The following ARHGAP32 variants were observed in gnomAD, a reference collection of about 807,000 sequenced individuals.
ARHGAP32 encodes the protein rho GTPase-activating protein 32.
Under a neutral mutation model 186.5 loss-of-function variants are expected in ARHGAP32, and 51 were observed. The ratio of observed to expected loss-of-function variants is 0.27; its 90% confidence interval spans 0.22 to 0.35. ARHGAP32 has a LOEUF of 0.35. ARHGAP32 is among the 10% of genes least tolerant of loss of function. ARHGAP32 has a pLI of 1.00. For missense variants in ARHGAP32, 2,186 were observed against 2,623.5 expected (o/e 0.83, Z 3.64); for synonymous variants, 950 against 964.3 (o/e 0.99, Z 0.27).
intron 11 of ARHGAP32, among the ~76,000 whole-genome samples, chr11:129,024,932 T>C (rs940101809): frequency 2.6e-5 from 4 of 152,228 alleles, no homozygotes; most frequent in African/African-American, 9.6e-5. Flanking sequence ...TCAATACTTC[T>C]ACTAAATAAT....
chr11:129,079,999 A>C (rs571154310), intron 6 of ARHGAP32, among the ~76,000 whole-genome samples: 1 of 152,356 alleles, frequency 6.6e-6, no homozygotes, highest in African/African-American at 2.4e-5. Context: ...CAGTTTAAAA[A>C]GACAAAGAGC....
Position 128,972,575 on chromosome 11 carries a change from G to A in ARHGAP32, c.3931C>T (p.Gln1311Ter). Residue 1311 changes from glutamine to a stop codon, truncating the protein, a stop_gained, in exon 22 of 23, where the codon CAG (glutamine) becomes TAG (stop). Coordinates refer to ENST00000682385, the MANE Select transcript of ARHGAP32 (RefSeq NM_001378024.1). LOFTEE classifies it high-confidence loss of function. Reference protein sequence around the residue: ...TTADFAAATLQRTHRTNRPLP... With the variant: ...TTADFAAATL ...GGACGATTAGTTCTGTGCGTGCGCT[G>A]AAGTGTGGCAGCAGCAAAATCAGCA... 6.2e-7 allele frequency: 1 copy of A among 1,600,680 alleles called. No homozygotes were observed. The highest frequency in any genetic ancestry group is 8.5e-7 in the Non-Finnish European group (1 of 1,172,388).
chr11:129,082,497 G>T (rs746618508), intron 6 of ARHGAP32, among the ~76,000 whole-genome samples: 14 of 152,094 alleles, frequency 9.2e-5, no homozygotes, highest in Non-Finnish European at 1.9e-4. Context: ...ATACAGTGGG[G>T]AAAGGACACC....
intron 12 of ARHGAP32, among the ~76,000 whole-genome samples, chr11:128,990,645 G>A (rs564644050): frequency 1.3e-5 from 2 of 152,278 alleles, no homozygotes; most frequent in South Asian, 4.1e-4. Context: ...ATTGATATTA[G>A]AAGCAACCTC....
intron 5 of ARHGAP32, 34 bp from the exon 6 acceptor site, chr11:129,093,741 A>C: frequency 6.9e-7 from 1 of 1,448,374 alleles, no homozygotes; most frequent in South Asian, 1.2e-5. Context: ...AGGGGGAAAG[A>C]AAGTCATGAT....
intron 6 of ARHGAP32, among the ~76,000 whole-genome samples, chr11:129,092,329 C>T (rs1941603386): frequency 1.3e-5 from 2 of 151,582 alleles, no homozygotes; most frequent in Admixed American, 1.3e-4. Context: ...AAAAGAGATG[C>T]TAAAATGTCT....
chr11:129,229,920 G>A (rs1944835699), intron 1 of ARHGAP32, among the ~76,000 whole-genome samples: 1 of 151,924 alleles, frequency 6.6e-6, no homozygotes, highest in African/African-American at 2.4e-5. Flanking sequence ...CGACTCAAGT[G>A]ATCTGCCCAC....
chr11:129,005,250 T>C (rs904549989), intron 11 of ARHGAP32, among the ~76,000 whole-genome samples: 2 of 152,172 alleles, frequency 1.3e-5, no homozygotes, highest in Admixed American at 1.3e-4. Context: ...TTATTATTTT[T>C]TATTGGTTTA....
At chr11:129,152,145 T>C (rs1230975110) in intron 2 of ARHGAP32, among the ~76,000 whole-genome samples, 2 of 152,162 alleles carry the variant, frequency 1.3e-5, no homozygotes, top group Non-Finnish European at 2.9e-5. Flanking sequence ...CCTGGAAATA[T>C]ACAACCCTCC....
intron 6 of ARHGAP32, among the ~76,000 whole-genome samples, chr11:129,081,661 A>T (rs796384793): frequency 3.3e-5 from 5 of 152,204 alleles, no homozygotes; most frequent in African/African-American, 1.2e-4. Flanking sequence ...AACAGGTAAA[A>T]GTTGAAAGTA....
chr11:129,236,590 C>T (rs1944938806), intron 1 of ARHGAP32, among the ~76,000 whole-genome samples: 1 of 152,176 alleles, frequency 6.6e-6, no homozygotes, highest in African/African-American at 2.4e-5. Context: ...GGTTCTCAGT[C>T]ATGATGTCTT....
intron 6 of ARHGAP32, among the ~76,000 whole-genome samples, chr11:129,072,790 A>G (rs114824962): frequency 0.012 from 1,902 of 152,328 alleles, 35 homozygotes; most frequent in South Asian, 0.044. Context: ...AATATCTGAA[A>G]AAAATCTCCT....
intron 5 of ARHGAP32, among the ~76,000 whole-genome samples, chr11:129,118,054 AAACAT>A (rs1223608173): frequency 6.6e-6 from 1 of 152,062 alleles, no homozygotes; most frequent in Non-Finnish European, 1.5e-5. Flanking sequence ...TCTCTAAACT[AAACAT>A]AAGACATTTA....
intron 6 of ARHGAP32, 150 bp downstream of exon 6, chr11:129,093,471 T>G (rs953768641): frequency 1.6e-6 from 1 of 640,182 alleles, no homozygotes; most frequent in African/African-American, 1.9e-5. Context: ...CTTACAATAG[T>G]CATTATTGCA....
At position 128,970,871 on chromosome 11, in the gene ARHGAP32, C is replaced by T. The variant is rs1423200478; in HGVS notation, c.4342G>A (p.Ala1448Thr). 8.7e-6 allele frequency: 14 copies of T among 1,614,096 alleles called. No homozygotes were observed. Among genetic ancestry groups the T allele is most frequent in the Non-Finnish European group, 1.2e-5 (14 of 1,180,056 alleles). The stretch of plus-strand genomic sequence containing the variant: ...GAATGATAATTTGAACTGCTGGTGG[C>T]ATCTGCACTGCTGGAGTGTATGGCA... ...IAAIHSSSAD[A>T]TSSSNYHSFV... The change falls in exon 23 of 23, where the codon GCC becomes ACC. Residue 1448 changes from alanine to threonine, a missense_variant. By Grantham distance (58) the Ala-to-Thr change is moderately conservative (BLOSUM62 0). Around this residue, in one of 5 missense-constraint regions of ARHGAP32, gnomAD observed 1,502 missense variants for 1,570.0 expected, o/e 0.96. Transcript: ENST00000682385. The surrounding 1 kb of genome is among the most constrained non-coding windows in gnomAD (Gnocchi z 5.8).
chr11:129,007,120 C>A (rs184133303), intron 11 of ARHGAP32, among the ~76,000 whole-genome samples: 1 of 152,070 alleles, frequency 6.6e-6, no homozygotes, highest in South Asian at 2.1e-4. Context: ...TTATCCTTCA[C>A]GGCAGTGGGC....
chr11:129,117,205 G>A (rs1017004754), intron 5 of ARHGAP32, among the ~76,000 whole-genome samples: 8 of 151,864 alleles, frequency 5.3e-5, no homozygotes, highest in Non-Finnish European at 1.0e-4. Flanking sequence ...GTGTCAGGCC[G>A]CCTTGATTCA....
At chr11:129,194,998 C>CT (rs1762531982), upstream of ARHGAP32, among the ~76,000 whole-genome samples, 1 of 146,594 alleles carries the variant, frequency 6.8e-6, no homozygotes, top group Admixed American at 6.9e-5. Context: ...GAAACAGGGT[C>CT]TTGTTCTGTC....
chr11:129,052,394 T>G (rs551456014), intron 10 of ARHGAP32, among the ~76,000 whole-genome samples: 1 of 152,356 alleles, frequency 6.6e-6, no homozygotes, highest in South Asian at 2.1e-4. Flanking sequence ...CCAGGTCCTT[T>G]GCATTTCCAT....
Sources: allele counts gnomAD v4.1 joint callset (sites outside exome capture counted in the v4.1 genomes callset), GRCh38; gene constraint gnomAD v4.1.1; regional missense constraint gnomAD v4.1.1; non-coding constraint Gnocchi (gnomAD v3.1); transcripts MANE v1.5; gene names NCBI Gene and HGNC (gene_info 2026-07-23, HGNC 2026-07-21).